Variants in CERT1 observed in about 807,000 individuals in gnomAD.
CERT1 encodes ceramide transporter 1.
Under a neutral mutation model 87.9 loss-of-function variants are expected in CERT1, and 31 were observed. The observed-to-expected ratio is 0.35, with a 90% CI of 0.27 to 0.48. CERT1 has a LOEUF of 0.48. Among genes scored for constraint, CERT1 ranks in the 20% least tolerant of loss-of-function variants. The pLI is 0.99. For missense variants in CERT1, 487 were observed against 758.0 expected, an observed-to-expected ratio of 0.64 and a Z score of 4.20; for synonymous variants, 289 against 250.9, an observed-to-expected ratio of 1.15 and a Z score of -1.44.
intron 6 of CERT1, among the ~76,000 whole-genome samples, chr5:75,418,210 C>G (rs932511920): frequency 3.9e-5 from 6 of 152,074 alleles, no homozygotes; most frequent in African/African-American, 1.4e-4. Context: ...AATGTGAACA[C>G]ACACTTCACC....
intron 15 of CERT1, 110 bp from the exon 16 acceptor site, chr5:75,381,311 G>A (rs1420551528): frequency 8.1e-7 from 1 of 1,237,228 alleles, no homozygotes; most frequent in Non-Finnish European, 1.1e-6. Context: ...AGTATCTCCA[G>A]TGAAATCTTA....
At chr5:75,434,220 T>G (rs1243520772) in intron 3 of CERT1, among the ~76,000 whole-genome samples, 1 of 150,882 alleles carries the variant, frequency 6.6e-6, no homozygotes, top group African/African-American at 2.4e-5. Context: ...TGAAGGGATG[T>G]TTAATCTAAG....
At chr5:75,376,924 T>A (rs1474574461), downstream of CERT1, 1 of 152,224 alleles carries the variant, frequency 6.6e-6, no homozygotes, top group Non-Finnish European at 1.5e-5. Flanking sequence ...ATTATTTCAT[T>A]ATATAATTGA....
chr5:75,393,851 G>A (rs371220051), intron 11 of CERT1, among the ~76,000 whole-genome samples: 1 of 151,820 alleles, frequency 6.6e-6, no homozygotes, highest in African/African-American at 2.4e-5. Flanking sequence ...TGTAGTCCCA[G>A]ATACTCAGGA....
intron 6 of CERT1, among the ~76,000 whole-genome samples, chr5:75,418,783 T>C (rs1763248818): frequency 6.6e-6 from 1 of 152,106 alleles, no homozygotes; most frequent in Non-Finnish European, 1.5e-5. Flanking sequence ...TGCAAACTAA[T>C]CTATAGTGTC....
At chr5:75,507,235 C>A (rs1767691206) in intron 1 of CERT1, among the ~76,000 whole-genome samples, 1 of 152,252 alleles carries the variant, frequency 6.6e-6, no homozygotes, top group African/African-American at 2.4e-5. Flanking sequence ...CCTCCCACCT[C>A]AGCCTCCCAA....
At position 75,384,701 on chromosome 5, in the gene CERT1, T is replaced by C. The variant is rs1425190518; in HGVS notation, c.1429A>G (p.Asn477Asp). The change falls in exon 14 of 17, where the codon AAC becomes GAC. Residue 477 changes from asparagine to aspartate, a missense_variant. Coordinates refer to ENST00000643780, the MANE Select transcript of CERT1 (RefSeq NM_001379029.1). ...VRNDWETTIE[N>D]FHVVETLADN... Reference sequence around the variant, plus strand: ...GCTAATGTTTCCACCACATGAAAGTTTTCTATAGTTGCTGAAATGAAGAGA... The same window carrying C: ...GCTAATGTTTCCACCACATGAAAGTCTTCTATAGTTGCTGAAATGAAGAGA... 3 of 1,586,316 alleles carry C rather than the reference T, an allele frequency of 1.9e-6. No homozygotes were observed. Among genetic ancestry groups the C allele is most frequent in the African/African-American group, 1.3e-5 (1 of 74,368 alleles).
At chr5:75,470,410 CAT>C in intron 2 of CERT1, among the ~76,000 whole-genome samples, 1 of 152,084 alleles carries the variant, frequency 6.6e-6, no homozygotes, top group Non-Finnish European at 1.5e-5. Flanking sequence ...AAAATTCACA[CAT>C]ACATGGAAAT....
At chr5:75,418,265 A>T (rs1763226178) in intron 6 of CERT1, among the ~76,000 whole-genome samples, 2 of 152,230 alleles carry the variant, frequency 1.3e-5, no homozygotes, top group African/African-American at 4.8e-5. Flanking sequence ...AAAGGTGCTT[A>T]ATATCACTAG....
At chr5:75,445,552 T>C (rs1463923808) in intron 3 of CERT1, among the ~76,000 whole-genome samples, 1 of 152,192 alleles carries the variant, frequency 6.6e-6, no homozygotes. Context: ...CTTAAACTCC[T>C]GGGCTCAAGT....
chr5:75,419,080 C>T (rs534328427), intron 6 of CERT1, among the ~76,000 whole-genome samples: 3 of 152,216 alleles, frequency 2.0e-5, no homozygotes, highest in African/African-American at 4.8e-5. Flanking sequence ...CAGATTTTCA[C>T]GAAGGTGCCA....
chr5:75,491,416 A>T (rs994506458), intron 2 of CERT1, among the ~76,000 whole-genome samples: 1 of 152,218 alleles, frequency 6.6e-6, no homozygotes, highest in African/African-American at 2.4e-5. Flanking sequence ...AATCACATTT[A>T]AATGGCTGTC....
intron 2 of CERT1, among the ~76,000 whole-genome samples, chr5:75,478,069 T>G (rs1766052347): frequency 6.6e-6 from 1 of 152,040 alleles, no homozygotes. Context: ...TCCCAGCACT[T>G]TGGGAGGCTG....
At chr5:75,486,521 G>C (rs909882629) in intron 2 of CERT1, among the ~76,000 whole-genome samples, 1 of 151,882 alleles carries the variant, frequency 6.6e-6, no homozygotes, top group African/African-American at 2.4e-5. Context: ...AAGAAATGAA[G>C]GGTATATGAA....
intron 7 of CERT1, among the ~76,000 whole-genome samples, chr5:75,411,957 T>C (rs1762949865): frequency 6.6e-6 from 1 of 151,822 alleles, no homozygotes. Flanking sequence ...ACTTTAGTTA[T>C]GTATTTTAAC....
chr5:75,387,060 G>T (rs1761819942), intron 12 of CERT1, among the ~76,000 whole-genome samples: 1 of 151,976 alleles, frequency 6.6e-6, no homozygotes, highest in Non-Finnish European at 1.5e-5. Flanking sequence ...GTAGAGACAG[G>T]GTTTCACCAT....
At chr5:75,374,341 C>T, downstream of CERT1, 1 of 497,966 alleles carries the variant, frequency 2.0e-6, no homozygotes, top group Non-Finnish European at 3.5e-6. Context: ...ATTATGAATG[C>T]AAAATTATTA....
At chr5:75,468,923 A>G (rs1441233367) in intron 2 of CERT1, among the ~76,000 whole-genome samples, 21 of 152,220 alleles carry the variant, frequency 1.4e-4, no homozygotes, top group African/African-American at 3.1e-4. Context: ...CCAGGGAAAC[A>G]TGACCTTATC....
intron 2 of CERT1, among the ~76,000 whole-genome samples, chr5:75,498,574 C>G (rs887089593): frequency 1.3e-5 from 2 of 152,218 alleles, no homozygotes; most frequent in Non-Finnish European, 2.9e-5. Flanking sequence ...GTGTCAGCCC[C>G]AAGCCTTGGC....
Sources: allele counts gnomAD v4.1 joint callset (sites outside exome capture counted in the v4.1 genomes callset), GRCh38; gene constraint gnomAD v4.1.1; transcripts MANE v1.5; gene names NCBI Gene and HGNC (gene_info 2026-07-23, HGNC 2026-07-21).